MTUS2: variants seen among roughly 807,000 people sequenced by gnomAD.
The protein encoded by MTUS2 is microtubule associated scaffold protein 2, also known as microtubule-associated tumor suppressor candidate 2.
MTUS2 carries 40 observed loss-of-function variants against 114.1 expected under a neutral mutation model. That is an observed-to-expected ratio of 0.35 (90% CI 0.27 to 0.46). The LOEUF (loss-of-function observed/expected upper bound fraction) is 0.46, where lower values mean the gene tolerates loss of function less well. Ranked by LOEUF, MTUS2 falls within the 20% of genes least tolerant of loss-of-function variation. The pLI is 1.00. For synonymous variants in MTUS2, 688 were observed against 672.0 expected, an observed-to-expected ratio of 1.02 and a Z score of -0.37; for missense variants, 1,679 against 1,705.4, an observed-to-expected ratio of 0.98 and a Z score of 0.27.
chr13:29,301,012 G>T (rs1033809045), intron 6 of MTUS2, among the ~76,000 whole-genome samples: 1 of 152,128 alleles, frequency 6.6e-6, no homozygotes, highest in Non-Finnish European at 1.5e-5. Context: ...TATTTATTTG[G>T]CATTGCAGAG....
intron 2 of MTUS2, among the ~76,000 whole-genome samples, chr13:28,996,103 A>G (rs934462292): frequency 1.3e-5 from 2 of 152,190 alleles, no homozygotes; most frequent in African/African-American, 4.8e-5. Context: ...AGTTTTTAGC[A>G]TGAAGGGTTG....
At chr13:29,195,971 C>G (rs985749041) in intron 5 of MTUS2, among the ~76,000 whole-genome samples, 1 of 151,996 alleles carries the variant, frequency 6.6e-6, no homozygotes, top group Non-Finnish European at 1.5e-5. Context: ...CTGATGCGAT[C>G]AAGTTTATGT....
intron 12 of MTUS2, among the ~76,000 whole-genome samples, chr13:29,494,607 T>C (rs955708510): frequency 6.6e-6 from 1 of 152,036 alleles, no homozygotes; most frequent in Non-Finnish European, 1.5e-5. Flanking sequence ...TGACCTGTGC[T>C]AGGTCACCTG....
At chr13:29,138,017 C>T (rs9579292) in intron 5 of MTUS2, among the ~76,000 whole-genome samples, 22,387 of 152,074 alleles carry the variant, frequency 0.15, 1,841 homozygotes, top group Middle Eastern at 0.21. Flanking sequence ...GGTGGAACAT[C>T]GGTGCCTCTT....
At position 29,100,931 on chromosome 13, in the gene MTUS2, G is replaced by A. The variant is rs372355162; in HGVS notation, c.2605G>A (p.Gly869Arg). 1.7e-5 allele frequency: 27 copies of A among 1,577,360 alleles called. No homozygotes were observed. Among genetic ancestry groups the A allele is most frequent in the Non-Finnish European group, 2.0e-5 (23 of 1,161,328 alleles). Residue 869 changes from glycine (G) to arginine (R), a missense_variant, in exon 5 of 16, where the codon GGG becomes AGG. This residue lies in a region of MTUS2 where 822 missense variants were observed against 899.7 expected (regional missense o/e 0.91). Transcript: ENST00000612955. ...CTCCTCAGTCTCCAGCACCCAGTCC[G>A]GGGACAGTGCACAGCCAGAGCAGGG... ...SVSSVSSTQS[G>R]DSAQPEQGRP...
chr13:28,864,927 T>A (rs1877202666), intron 2 of MTUS2, among the ~76,000 whole-genome samples: 1 of 152,220 alleles, frequency 6.6e-6, no homozygotes, highest in South Asian at 2.1e-4. Context: ...CAGCTTTCAA[T>A]AGTTGATGTT....
Position 29,468,124 on chromosome 13 carries a change from A to C in MTUS2, c.3185-12026A>C, listed in dbSNP as rs369526419. Among the ~76,000 whole-genome samples the C allele has an allele frequency of 8.1e-4, 123 of 152,220 alleles. 1 individual carries two copies. The highest frequency in any genetic ancestry group is 2.7e-3 in the African/African-American group (114 of 41,532). Reference sequence around the variant, plus strand: ...ACAGAGGGAGACCCTGCCTCAAAAAAACACAAAAAAATCCCAAAAGAGTAC... The same window carrying C: ...ACAGAGGGAGACCCTGCCTCAAAAACACACAAAAAAATCCCAAAAGAGTAC... On this transcript the variant is annotated intron_variant, in intron 9 of 15. Coordinates refer to ENST00000612955, the MANE Select transcript of MTUS2 (RefSeq NM_001033602.4).
At chr13:29,102,716 A>G (rs1273199713) in intron 5 of MTUS2, among the ~76,000 whole-genome samples, 1 of 152,244 alleles carries the variant, frequency 6.6e-6, no homozygotes, top group Admixed American at 6.5e-5. Flanking sequence ...AATCACAGAA[A>G]AACCCCCCAT....
rs187875898 is a variant in MTUS2 at position 28,994,517 on chromosome 13, A to G, written c.-242-29940A>G. ...GTTGAACTAGTTTACAGTCCCACCA[A>G]TGGTGTAAAAGTGTTCCTATTTCTC... is the stretch of plus-strand genomic sequence containing the variant. On this transcript the variant is annotated intron_variant, in intron 2 of 15. Transcript: ENST00000612955. Among the ~76,000 whole-genome samples the G allele has an allele frequency of 4.9e-4, 75 of 152,328 alleles. 1 individual carries two copies. The South Asian group carries it at 0.012, about 25-fold the overall frequency.
Position 29,504,623 on chromosome 13 carries a change from A to T in MTUS2, c.*1417A>T, listed in dbSNP as rs542830671. 9.9e-5 allele frequency: 23 copies of T among 233,028 alleles called. No homozygotes were observed. Among genetic ancestry groups the T allele is most frequent in the African/African-American group, 4.4e-4 (20 of 45,454 alleles). 14.4% of individuals were successfully genotyped at this position (233,028 alleles called of 1,614,324 possible). ...TGGCATCTGTCTCTAAAATGGTAGA[A>T]TTAGGATATGAACAGTACTCATGTA... On this transcript the variant is annotated 3_prime_UTR_variant, in exon 16 of 16. Transcript: ENST00000612955.
intron 5 of MTUS2, among the ~76,000 whole-genome samples, chr13:29,106,841 A>G (rs1172715134): frequency 3.9e-5 from 6 of 152,052 alleles, no homozygotes; most frequent in African/African-American, 1.2e-4. Flanking sequence ...CAATTGCTGC[A>G]TGGTGCCCCT....
chr13:28,983,698 C>T (rs568740838), intron 2 of MTUS2, among the ~76,000 whole-genome samples: 6 of 152,236 alleles, frequency 3.9e-5, no homozygotes, highest in Admixed American at 1.3e-4. Context: ...TTGGGTCCCA[C>T]CCCAGGCCCT....
chr13:29,094,017 T>TA (rs1452142332), intron 4 of MTUS2, among the ~76,000 whole-genome samples: 3 of 152,196 alleles, frequency 2.0e-5, no homozygotes, highest in African/African-American at 7.2e-5. Flanking sequence ...CATGGATTAA[T>TA]TATGTATGTA....
chr13:29,219,479 T>C (rs1187692770), intron 5 of MTUS2, among the ~76,000 whole-genome samples: 2 of 152,078 alleles, frequency 1.3e-5, no homozygotes, highest in Admixed American at 6.5e-5. Flanking sequence ...GTCCTTTGGG[T>C]ATATACCCAG....
intron 8 of MTUS2, among the ~76,000 whole-genome samples, chr13:29,411,523 G>A (rs1457348678): frequency 1.3e-5 from 2 of 152,124 alleles, no homozygotes; most frequent in Non-Finnish European, 1.5e-5. Context: ...CTGCATAAAT[G>A]TTCCTTAATT....
intron 2 of MTUS2, among the ~76,000 whole-genome samples, chr13:28,963,042 A>G (rs1883402181): frequency 6.6e-6 from 1 of 152,200 alleles, no homozygotes; most frequent in South Asian, 2.1e-4. Context: ...TTCAAAACTC[A>G]TTCTTTTAAT....
At chr13:29,047,862 C>T (rs749110966) in intron 4 of MTUS2, among the ~76,000 whole-genome samples, 128 of 152,206 alleles carry the variant, frequency 8.4e-4, no homozygotes, top group Non-Finnish European at 1.5e-3. Context: ...AACCACTAGT[C>T]TTTTTTTGTT....
chr13:29,344,723 T>A (rs769851742), intron 7 of MTUS2, among the ~76,000 whole-genome samples: 10 of 152,150 alleles, frequency 6.6e-5, no homozygotes, highest in Admixed American at 2.0e-4. Flanking sequence ...CTTGTTGTTG[T>A]TTTTTTGTCA....
intron 4 of MTUS2, among the ~76,000 whole-genome samples, chr13:29,071,771 T>G (rs1223313839): frequency 6.6e-6 from 1 of 152,192 alleles, no homozygotes; most frequent in African/African-American, 2.4e-5. Flanking sequence ...GCTGGAAGAT[T>G]TTCTCAAATT....
Sources: allele counts gnomAD v4.1 joint callset (sites outside exome capture counted in the v4.1 genomes callset), GRCh38; gene constraint gnomAD v4.1.1; regional missense constraint gnomAD v4.1.1; transcripts MANE v1.5; gene names NCBI Gene and HGNC (gene_info 2026-07-23, HGNC 2026-07-21).